NTM: variants seen among roughly 807,000 people sequenced by gnomAD.
NTM encodes the protein IgLON family member 2.
A neutral mutation model predicts 42.1 loss-of-function variants in NTM; 13 were observed. The ratio of observed to expected loss-of-function variants is 0.31; its 90% CI spans 0.20 to 0.49. NTM has a LOEUF of 0.49. NTM is among the 20% of genes least tolerant of loss of function. The pLI is 0.99. For synonymous variants in NTM, 187 were observed against 179.2 expected, an observed-to-expected ratio of 1.04 and a Z score of -0.35; for missense variants, 373 against 452.8, an observed-to-expected ratio of 0.82 and a Z score of 1.60.
chr11:131,886,660 C>T (rs1018175577), intron 1 of NTM, among the ~76,000 whole-genome samples: 1 of 152,208 alleles, frequency 6.6e-6, no homozygotes, highest in African/African-American at 2.4e-5. Context: ...CAGGGCTACA[C>T]TAGAGATTCA....
At chr11:132,079,037 G>T (rs78005261) in intron 2 of NTM, among the ~76,000 whole-genome samples, 1 of 152,140 alleles carries the variant, frequency 6.6e-6, no homozygotes, top group Non-Finnish European at 1.5e-5. Context: ...CGACCCAGTG[G>T]CTGGAGCAAT....
chr11:131,685,383 C>T (rs950630156), intron 1 of NTM, among the ~76,000 whole-genome samples: 3 of 146,908 alleles, frequency 2.0e-5, no homozygotes, highest in Non-Finnish European at 4.4e-5. Flanking sequence ...GGCAGGCTGA[C>T]AGCACTCAGA....
At chr11:131,441,913 C>T (rs1456092002) in intron 1 of NTM, among the ~76,000 whole-genome samples, 1 of 152,148 alleles carries the variant, frequency 6.6e-6, no homozygotes, top group African/African-American at 2.4e-5. Flanking sequence ...ATAGGGAAAA[C>T]ACTGGAGGCC....
intron 1 of NTM, among the ~76,000 whole-genome samples, chr11:131,612,856 T>C (rs1405149326): frequency 6.6e-6 from 1 of 152,190 alleles, no homozygotes; most frequent in African/African-American, 2.4e-5. Flanking sequence ...CCCAAATCCC[T>C]ACCCGGGTCC....
chr11:132,180,428 GA>G (rs879283674), intron 3 of NTM, among the ~76,000 whole-genome samples: 22 of 151,846 alleles, frequency 1.4e-4, no homozygotes, highest in Non-Finnish European at 2.7e-4. Context: ...AGCAAAATGG[GA>G]AAAAAAGGCA....
intron 3 of NTM, among the ~76,000 whole-genome samples, chr11:132,167,960 A>T (rs1424943423): frequency 1.3e-5 from 2 of 152,216 alleles, no homozygotes; most frequent in Non-Finnish European, 2.9e-5. Context: ...AATACTTCAA[A>T]TTGCTGTAGA....
chr11:131,822,815 C>A (rs1366503036), intron 1 of NTM, among the ~76,000 whole-genome samples: 2 of 149,536 alleles, frequency 1.3e-5, no homozygotes, highest in African/African-American at 2.5e-5. Flanking sequence ...GGGTTTTCAA[C>A]GTTCAAGGAC....
intron 7 of NTM, among the ~76,000 whole-genome samples, chr11:132,318,728 G>T (rs1283941258): frequency 6.6e-6 from 1 of 152,160 alleles, no homozygotes; most frequent in Non-Finnish European, 1.5e-5. Flanking sequence ...CCAGGGAGGG[G>T]AATGCTTCTC....
At chr11:132,150,431 A>G (rs1485342391) in intron 3 of NTM, among the ~76,000 whole-genome samples, 1 of 152,198 alleles carries the variant, frequency 6.6e-6, no homozygotes. Context: ...TTCCATTGTA[A>G]AAAGCTTTAT....
At chr11:131,709,704 G>T (rs531892408) in intron 1 of NTM, among the ~76,000 whole-genome samples, 1 of 152,296 alleles carries the variant, frequency 6.6e-6, no homozygotes, top group African/African-American at 2.4e-5. Context: ...GCACAGGATT[G>T]ACCCACTTGA....
At chr11:131,374,724 G>A (rs1408518886) in intron 1 of NTM, among the ~76,000 whole-genome samples, 1 of 152,168 alleles carries the variant, frequency 6.6e-6, no homozygotes. Context: ...ACAACCTGGT[G>A]TTGATTTTAG....
chr11:131,806,394 A>G (rs1258593141), intron 1 of NTM, among the ~76,000 whole-genome samples: 2 of 152,216 alleles, frequency 1.3e-5, no homozygotes, highest in African/African-American at 2.4e-5. Context: ...CAATGTTGAT[A>G]TGAAAAGCTC....
At chr11:131,952,357 T>C (rs1020782402) in intron 2 of NTM, among the ~76,000 whole-genome samples, 2 of 152,234 alleles carry the variant, frequency 1.3e-5, no homozygotes, top group African/African-American at 4.8e-5. Flanking sequence ...ATCTAAATAC[T>C]TCCTACAAGT....
chr11:131,821,086 C>T (rs1246162883), intron 1 of NTM, among the ~76,000 whole-genome samples: 1 of 151,462 alleles, frequency 6.6e-6, no homozygotes, highest in East Asian at 1.9e-4. Context: ...TCCCATTTCA[C>T]ACGCAAGTAC....
chr11:131,670,765 A>G (rs1340459948), intron 1 of NTM, among the ~76,000 whole-genome samples: 2 of 152,164 alleles, frequency 1.3e-5, no homozygotes, highest in African/African-American at 2.4e-5. Flanking sequence ...ATGCTGTCCG[A>G]GAGGCGTAGC....
intron 2 of NTM, among the ~76,000 whole-genome samples, chr11:132,124,835 A>G (rs2065412285): frequency 6.6e-6 from 1 of 152,108 alleles, no homozygotes; most frequent in Non-Finnish European, 1.5e-5. Context: ...AAAAACAACA[A>G]CATAAAGAAA....
intron 1 of NTM, among the ~76,000 whole-genome samples, chr11:131,549,179 A>G (rs2054321981): frequency 1.3e-5 from 2 of 152,176 alleles, no homozygotes; most frequent in South Asian, 2.1e-4. Flanking sequence ...TTTCTGGAAT[A>G]TCCTCAGATC....
In NTM at chr11:132,002,576, G is replaced by A. The variant is rs2069554333; in HGVS notation, c.167+90928G>A. ...TCTGTCCCCCAAATTGGAGGCTTCT[G>A]GCCATTGCTTGAATAACTTTCTGCC... On this transcript the variant is annotated intron_variant, in intron 2 of 8. Coordinates refer to ENST00000683400, the MANE Select transcript of NTM (RefSeq NM_001352005.2). The surrounding 1 kb of genome is among the most constrained non-coding windows in gnomAD (Gnocchi z 4.5). Among the ~76,000 whole-genome samples, 1 of 152,154 alleles carries A rather than the reference G, an allele frequency of 6.6e-6. No individual in the cohort carries two copies.
intron 1 of NTM, 105 bp from the exon 2 acceptor site, chr11:131,911,459 C>T (rs759778419): frequency 6.2e-6 from 10 of 1,613,882 alleles, no homozygotes; most frequent in African/African-American, 2.7e-5. Context: ...TGCCGGAGTT[C>T]GGGGAAGTTG....
Sources: allele counts gnomAD v4.1 joint callset (sites outside exome capture counted in the v4.1 genomes callset), GRCh38; gene constraint gnomAD v4.1.1; non-coding constraint Gnocchi (gnomAD v3.1); transcripts MANE v1.5; gene names NCBI Gene and HGNC (gene_info 2026-07-23, HGNC 2026-07-21).